SPAG16: variants seen among roughly 807,000 people sequenced by gnomAD.
The protein encoded by SPAG16 is sperm associated antigen 16, also known as sperm-associated antigen 16 protein.
SPAG16 carries 86 observed loss-of-function variants against 80.4 expected under a neutral mutation model. That is an observed-to-expected ratio of 1.07 (90% CI 0.90 to 1.28). SPAG16 has a LOEUF of 1.28. Among genes scored for constraint, SPAG16 ranks in the 50% most tolerant of loss-of-function variants. The pLI is 0.00. For missense variants in SPAG16, 870 were observed against 765.3 expected (o/e 1.14, Z -1.61); for synonymous variants, 294 against 265.9 (o/e 1.11, Z -1.03).
chr2:214,061,566 C>A (rs1025287660), intron 13 of SPAG16, among the ~76,000 whole-genome samples: 13 of 152,030 alleles, frequency 8.6e-5, no homozygotes, highest in African/African-American at 3.1e-4. Flanking sequence ...ACATGGGGGT[C>A]CTCAGTTTTT....
chr2:214,069,823 G>A (rs935315316), intron 13 of SPAG16, among the ~76,000 whole-genome samples: 1 of 151,780 alleles, frequency 6.6e-6, no homozygotes, highest in Non-Finnish European at 1.5e-5. Context: ...TCAGAATGTA[G>A]GTACCTTTCT....
At chr2:213,691,930 A>G (rs1177322440) in intron 10 of SPAG16, among the ~76,000 whole-genome samples, 1 of 152,194 alleles carries the variant, frequency 6.6e-6, no homozygotes, top group Admixed American at 6.5e-5. Context: ...TATCCTAAAA[A>G]GTTAAACAAG....
chr2:213,977,209 A>G (rs2045457518), intron 12 of SPAG16, among the ~76,000 whole-genome samples: 1 of 152,032 alleles, frequency 6.6e-6, no homozygotes, highest in South Asian at 2.1e-4. Context: ...GACCTCCACA[A>G]TACAAATTCC....
At chr2:213,339,061 A>G (rs2064538399) in intron 5 of SPAG16, among the ~76,000 whole-genome samples, 2 of 151,978 alleles carry the variant, frequency 1.3e-5, no homozygotes, top group East Asian at 3.9e-4. Context: ...GAAACTTGGA[A>G]GAATGGATCA....
At chr2:213,299,232 A>G (rs2062624831) in intron 3 of SPAG16, among the ~76,000 whole-genome samples, 1 of 152,184 alleles carries the variant, frequency 6.6e-6, no homozygotes, top group Admixed American at 6.5e-5. Context: ...ATTTGTTAAA[A>G]TATTAACAAA....
chr2:213,594,026 C>T lies in SPAG16; in HGVS notation c.1070+103936C>T, dbSNP rs372286627. On this transcript the variant is annotated intron_variant, in intron 10 of 15. Coordinates refer to ENST00000331683, the MANE Select transcript of SPAG16 (RefSeq NM_024532.5). ...TCCTGACCTCCTGATCGGCCTGCCTCGGCCTCCCAAAGTGCTGGGATTACA... is the reference window on the plus strand; with the variant it reads ...TCCTGACCTCCTGATCGGCCTGCCTTGGCCTCCCAAAGTGCTGGGATTACA... 1.2e-4 allele frequency among the ~76,000 whole-genome samples: 18 copies of T among 151,950 alleles called. No homozygotes were observed. In the East Asian group the frequency reaches 2.3e-3, roughly 20 times the overall value.
Position 213,430,165 on chromosome 2 carries a change from TC to T in SPAG16, c.942+55047del, listed in dbSNP as rs113763213. 7.4e-3 allele frequency among the ~76,000 whole-genome samples: 1,132 copies of T among 152,214 alleles called. 8 individuals are homozygous for T. The highest frequency in any genetic ancestry group is 0.025 in the African/African-American group (1,025 of 41,536). On this transcript the variant is annotated intron_variant, in intron 9 of 15. Coordinates refer to ENST00000331683, the MANE Select transcript of SPAG16 (RefSeq NM_024532.5). ...ATCTTAAAAACAAACACACAGAACT[TC>T]TGGAAATGAAAAGTTCATTGAAAGG... is the stretch of plus-strand genomic sequence containing the variant.
chr2:214,226,261 C>T (rs562116078), intron 15 of SPAG16, among the ~76,000 whole-genome samples: 83 of 152,026 alleles, frequency 5.5e-4, no homozygotes, highest in Non-Finnish European at 1.0e-3. Context: ...CCCTTGGATT[C>T]TTCTCATAGT....
intron 11 of SPAG16, among the ~76,000 whole-genome samples, chr2:213,883,722 G>C (rs1466152224): frequency 6.6e-6 from 1 of 152,170 alleles, no homozygotes; most frequent in Non-Finnish European, 1.5e-5. Context: ...ATTTGGGGTA[G>C]GCAAGTCTGC....
chr2:213,967,617 G>T (rs1380468105), intron 12 of SPAG16, among the ~76,000 whole-genome samples: 3 of 152,060 alleles, frequency 2.0e-5, no homozygotes, highest in Non-Finnish European at 2.9e-5. Flanking sequence ...ATAAAATTTT[G>T]TCAAATAACT....
chr2:214,068,431 G>T (rs2050631078), intron 13 of SPAG16, among the ~76,000 whole-genome samples: 1 of 152,022 alleles, frequency 6.6e-6, no homozygotes, highest in African/African-American at 2.4e-5. Flanking sequence ...ACCCTAATTT[G>T]CCCAAGTTTT....
chr2:213,851,667 C>T (rs985514154), intron 10 of SPAG16, among the ~76,000 whole-genome samples: 2 of 152,196 alleles, frequency 1.3e-5, no homozygotes, highest in Non-Finnish European at 2.9e-5. Flanking sequence ...TCGGCTGCCT[C>T]TTACCTTGCC....
intron 11 of SPAG16, among the ~76,000 whole-genome samples, chr2:213,904,834 A>G (rs2077371683): frequency 6.6e-6 from 1 of 152,104 alleles, no homozygotes; most frequent in Non-Finnish European, 1.5e-5. Flanking sequence ...AGAAGAAGTC[A>G]GAGTGGTAAC....
chr2:213,820,494 C>T (rs1291046422), intron 10 of SPAG16, among the ~76,000 whole-genome samples: 1 of 151,958 alleles, frequency 6.6e-6, no homozygotes, highest in East Asian at 1.9e-4. Flanking sequence ...GGAATAGATG[C>T]TTAAAAAGTG....
chr2:213,804,080 T>C (rs964551847), intron 10 of SPAG16, among the ~76,000 whole-genome samples: 2 of 152,202 alleles, frequency 1.3e-5, no homozygotes, highest in African/African-American at 4.8e-5. Context: ...TTATATGATA[T>C]AAATGTTTAT....
intron 10 of SPAG16, among the ~76,000 whole-genome samples, chr2:213,722,240 G>A (rs1006050995): frequency 6.6e-6 from 1 of 152,184 alleles, no homozygotes; most frequent in African/African-American, 2.4e-5. Context: ...GATAAGTACA[G>A]GTGGATAGAG....
intron 9 of SPAG16, among the ~76,000 whole-genome samples, chr2:213,479,542 T>C (rs2073638163): frequency 6.6e-6 from 1 of 152,134 alleles, no homozygotes; most frequent in Admixed American, 6.6e-5. Context: ...AATAAATATT[T>C]GTTGAATGAT....
intron 15 of SPAG16, among the ~76,000 whole-genome samples, chr2:214,314,943 C>T (rs776687582): frequency 1.7e-4 from 25 of 149,076 alleles, no homozygotes; most frequent in Non-Finnish European, 3.7e-4. Flanking sequence ...AAGGTTAAAC[C>T]AATATGATAC....
intron 15 of SPAG16, among the ~76,000 whole-genome samples, chr2:214,360,669 A>G (rs1251545425): frequency 6.6e-6 from 1 of 151,882 alleles, no homozygotes; most frequent in African/African-American, 2.4e-5. Flanking sequence ...ACAATTTAAA[A>G]TTATCCTTTG....
Sources: gnomAD v4.1 joint callset for allele counts (sites outside exome capture counted in the v4.1 genomes callset) on GRCh38, gnomAD v4.1.1 for gene constraint, MANE v1.5 for transcripts, NCBI Gene and HGNC (gene_info 2026-07-23, HGNC 2026-07-21) for gene names.